The following DHX34 variants were observed in gnomAD, a reference collection of about 807,000 sequenced individuals.
The protein encoded by DHX34 is probable ATP-dependent RNA helicase DHX34.
In DHX34, 96 loss-of-function variants were observed where a neutral mutation model predicts 111.1. That is an observed-to-expected ratio of 0.86 (90% CI 0.73 to 1.02). DHX34 has a LOEUF of 1.02. DHX34 is among the 50% of genes least tolerant of loss of function. DHX34 has a pLI of 0.00. For missense variants in DHX34, 1,560 were observed against 1,579.9 expected, an observed-to-expected ratio of 0.99 and a Z score of 0.21; for synonymous variants, 688 against 670.4, an observed-to-expected ratio of 1.03 and a Z score of -0.41.
rs1466756521 is a variant in DHX34, at chr19:47,362,486, G to A, written c.1386G>A (p.Lys462=). The A allele has an allele frequency of 8.2e-6, 13 of 1,586,224 alleles. No homozygotes were observed. Among genetic ancestry groups the A allele is most frequent in the Admixed American group, 5.3e-5 (3 of 56,264 alleles). ...ATTGCTCCCATCCAGGAAAGGTGAAGGAGATGAGCTACGATCCGCAGGCCA... is the reference window on the plus strand; with the variant it reads ...ATTGCTCCCATCCAGGAAAGGTGAAAGAGATGAGCTACGATCCGCAGGCCA... ...IRFVVDSGKV[K]EMSYDPQAKL... is the part of the protein sequence containing the mutation. Residue 462 remains lysine, a synonymous_variant, in exon 6 of 17, where the codon AAG becomes AAA. Transcript: ENST00000328771.
At chr19:47,368,301 T>C (rs1186669692) in intron 7 of DHX34, among the ~76,000 whole-genome samples, 2 of 45,088 alleles carry the variant, frequency 4.4e-5, no homozygotes, top group East Asian at 1.1e-3. Context: ...TTAAATCCTT[T>C]TTTTTTTTTT....
In DHX34 at chr19:47,373,973, G is replaced by A. The variant is rs142944737; in HGVS notation, c.2064+273G>A. Among the ~76,000 whole-genome samples, 1,184 of 152,258 alleles carry A rather than the reference G, an allele frequency of 7.8e-3. 23 individuals carry two copies. The highest frequency in any genetic ancestry group is 0.027 in the African/African-American group (1,117 of 41,538). ...CCTCCGGACTGGGGATGCTGAGCTG[G>A]CTGCATGGGCATGGTGTTGGAGGCA... On this transcript the variant is annotated intron_variant, in intron 9 of 16. Coordinates refer to ENST00000328771, the MANE Select transcript of DHX34 (RefSeq NM_014681.6).
At position 47,360,103 on chromosome 19, in the gene DHX34, C is replaced by A. The variant is rs1170350408; in HGVS notation, c.1375+33C>A. 1.9e-6 allele frequency: 3 copies of A among 1,607,246 alleles called. No homozygotes were observed. The African/African-American group carries it at 4.0e-5, about 21-fold the overall frequency. On this transcript the variant is annotated intron_variant, in intron 5 of 16. Coordinates refer to ENST00000328771, the MANE Select transcript of DHX34 (RefSeq NM_014681.6). ...CCACCATGAGCCCCTACCCACCACC[C>A]CCAAGGACTTAGGAGCATGGGGTCC... is the stretch of plus-strand genomic sequence containing the variant.
chr19:47,361,132 G>A (rs1027199313), intron 5 of DHX34, among the ~76,000 whole-genome samples: 1 of 152,132 alleles, frequency 6.6e-6, no homozygotes, highest in African/African-American at 2.4e-5. Flanking sequence ...GACACTTCAT[G>A]TATCGGTTGG....
chr19:47,372,753 A>G lies in DHX34; in HGVS notation c.1792A>G (p.Met598Val), dbSNP rs1405246808. ...VIGKMLILGS[M>V]FSLVEPVLTI... ...AGGGAAGATGCTGATCCTGGGCTCC[A>G]TGTTCAGCCTGGTGGAGCCTGTGCT... The change falls in exon 8 of 17, where the codon ATG becomes GTG. Residue 598 changes from methionine (M) to valine (V), a missense_variant. By Grantham distance (21) the Met-to-Val change is conservative. Transcript: ENST00000328771. 11 of 1,610,620 alleles carry G rather than the reference A, an allele frequency of 6.8e-6. No individual in the cohort carries two copies. The highest frequency in any genetic ancestry group is 1.1e-5 in the South Asian group (1 of 90,880).
rs1969503188 is a variant in DHX34 at position 47,357,872 on chromosome 19, T to C, written c.1024T>C (p.Tyr342His). ...TGGGGCTGTCTCCTCTCAGGTTGTGTACCAGCCGCAGGAGGCGGAGCCGAC... is the reference window on the plus strand; with the variant it reads ...TGGGGCTGTCTCCTCTCAGGTTGTGCACCAGCCGCAGGAGGCGGAGCCGAC... ...PGRLFPITVV[Y>H]QPQEAEPTTS... Residue 342 changes from tyrosine to histidine, a missense_variant, in exon 4 of 17, where the codon TAC (tyrosine) becomes CAC (histidine). Coordinates refer to ENST00000328771, the MANE Select transcript of DHX34 (RefSeq NM_014681.6). 6.2e-7 allele frequency: 1 copy of C among 1,612,506 alleles called. No homozygotes were observed. The highest frequency in any genetic ancestry group is 8.5e-7 in the Non-Finnish European group (1 of 1,179,290).
At chr19:47,356,627 C>CAA (rs529660294) in intron 3 of DHX34, among the ~76,000 whole-genome samples, 1 of 94,488 alleles carries the variant, frequency 1.1e-5, no homozygotes, top group Non-Finnish European at 2.2e-5. Context: ...GATCCCATCT[C>CAA]AAAAAAAAAA....
At chr19:47,381,778 T>C in intron 16 of DHX34, 1 of 860,416 alleles carries the variant, frequency 1.2e-6, no homozygotes, top group African/African-American at 1.8e-5. Context: ...TCTTTCTCTC[T>C]GTCTCTCTCA....
At position 47,379,900 on chromosome 19, in the gene DHX34, T is replaced by TGGAGGA. The variant is rs533574046; in HGVS notation, c.2910_2915dup (p.Glu970_Glu971dup). On this transcript the variant is annotated inframe_insertion, in exon 14 of 17. Coordinates refer to ENST00000328771, the MANE Select transcript of DHX34 (RefSeq NM_014681.6). ...CTGGCGCACCAGGCCCAGCAGCAGC[T>TGGAGGA]GGAGGAGGAGGAGGAGGATACGCCA... 256 of 1,612,154 alleles carry TGGAGGA rather than the reference T, an allele frequency of 1.6e-4. 1 individual carries two copies. The highest frequency in any genetic ancestry group is 2.6e-4 in the South Asian group (24 of 91,022).
chr19:47,364,871 C>T (rs888099221), intron 6 of DHX34, among the ~76,000 whole-genome samples: 2 of 152,160 alleles, frequency 1.3e-5, no homozygotes, highest in Non-Finnish European at 2.9e-5. Context: ...CATCCGAGGC[C>T]ACCAGGCGTC....
intron 7 of DHX34, among the ~76,000 whole-genome samples, chr19:47,372,196 C>G (rs11878977): frequency 0.012 from 1,838 of 151,452 alleles, 40 homozygotes; most frequent in African/African-American, 0.043. Flanking sequence ...TCCCCTCTTC[C>G]TCTTCCACTT....
At chr19:47,373,071 C>T in intron 8 of DHX34, 148 bp downstream of exon 8, 3 of 1,100,464 alleles carry the variant, frequency 2.7e-6, no homozygotes, top group East Asian at 2.8e-5. Flanking sequence ...TGGGGAGGGC[C>T]ATGTCTCCAT....
intron 5 of DHX34, among the ~76,000 whole-genome samples, chr19:47,361,026 A>G (rs1157954913): frequency 6.6e-6 from 1 of 152,104 alleles, no homozygotes; most frequent in East Asian, 1.9e-4. Flanking sequence ...CCTGACTGGA[A>G]TGTTCTCTGG....
chr19:47,353,110 A>C lies in DHX34; in HGVS notation c.80A>C (p.Lys27Thr). 1 of 1,614,170 alleles carries C rather than the reference A, an allele frequency of 6.2e-7. No homozygotes were observed. The highest frequency in any genetic ancestry group is 8.5e-7 in the Non-Finnish European group (1 of 1,180,022). ...RAPSEEEALE[K>T]WDWNCPETRR... ...CCCAGCGAGGAAGAGGCCTTGGAGA[A>C]ATGGGACTGGAATTGTCCAGAGACG... Residue 27 changes from lysine to threonine, a missense_variant, in exon 2 of 17, where the codon AAA (lysine) becomes ACA (threonine). Physicochemically the swap from Lys to Thr is moderately conservative, Grantham distance 78. Coordinates refer to ENST00000328771, the MANE Select transcript of DHX34 (RefSeq NM_014681.6). The surrounding 1 kb of genome is among the most constrained non-coding windows in gnomAD (Gnocchi z 4.6).
chr19:47,380,526 G>A (rs1337849052), intron 14 of DHX34, among the ~76,000 whole-genome samples: 1 of 151,866 alleles, frequency 6.6e-6, no homozygotes, highest in Admixed American at 6.6e-5. Context: ...GAGGAGGAGG[G>A]GGGAGGTGGC....
At chr19:47,362,742 A>G (rs369797387) in intron 6 of DHX34, 49 bp downstream of exon 6, 837 of 1,514,812 alleles carry the variant, frequency 5.5e-4, no homozygotes, top group Non-Finnish European at 6.9e-4. Context: ...TGGCACAGGG[A>G]GGAACCTGGG....
chr19:47,377,000 T>C, intron 12 of DHX34, 100 bp from the exon 13 acceptor site: 2 of 1,587,400 alleles, frequency 1.3e-6, no homozygotes, highest in Non-Finnish European at 1.7e-6. Flanking sequence ...GTAAGCATAC[T>C]CTTTCTATCG....
chr19:47,364,647 A>G (rs1445904454), intron 6 of DHX34, among the ~76,000 whole-genome samples: 1 of 152,064 alleles, frequency 6.6e-6, no homozygotes, highest in African/African-American at 2.4e-5. Context: ...CTGAGGCAGG[A>G]GGATCGCTAG....
chr19:47,379,159 TAAGAAG>T (rs1231130939), intron 13 of DHX34, among the ~76,000 whole-genome samples: 3 of 145,078 alleles, frequency 2.1e-5, no homozygotes, highest in Non-Finnish European at 3.1e-5. Context: ...ATAATAATAA[TAAGAAG>T]AAGAAGATGG....
Sources: gnomAD v4.1 joint callset for allele counts (sites outside exome capture counted in the v4.1 genomes callset) on GRCh38, gnomAD v4.1.1 for gene constraint, Gnocchi (gnomAD v3.1) non-coding constraint, MANE v1.5 for transcripts, NCBI Gene and HGNC (gene_info 2026-07-23, HGNC 2026-07-21) for gene names.